SNX30: variants seen among roughly 807,000 people sequenced by gnomAD.
SNX30 encodes sorting nexin-30.
SNX30 carries 24 observed loss-of-function variants against 46.4 expected under a neutral mutation model. The ratio of observed to expected loss-of-function variants is 0.52; its 90% confidence interval spans 0.37 to 0.73. SNX30 has a LOEUF of 0.73. SNX30 is among the 30% of genes least tolerant of loss of function. SNX30 has a pLI of 0.00. For missense variants in SNX30, 533 were observed against 555.7 expected (o/e 0.96, Z 0.41); for synonymous variants, 189 against 211.5 (o/e 0.89, Z 0.92).
chr9:112,814,707 G>C (rs762570141), intron 2 of SNX30, among the ~76,000 whole-genome samples: 4 of 152,160 alleles, frequency 2.6e-5, no homozygotes, highest in Non-Finnish European at 5.9e-5. Context: ...AAGATAACTA[G>C]TTCCTGAGAA....
intron 1 of SNX30, among the ~76,000 whole-genome samples, chr9:112,756,288 T>G (rs1250876383): frequency 2.0e-5 from 3 of 152,096 alleles, no homozygotes; most frequent in Admixed American, 2.0e-4. Flanking sequence ...ACTTCACACC[T>G]TCTCACTCTC....
At chr9:112,798,252 A>G (rs1160266914) in intron 1 of SNX30, among the ~76,000 whole-genome samples, 1 of 79,648 alleles carries the variant, frequency 1.3e-5, no homozygotes, top group Non-Finnish European at 2.4e-5. Context: ...AGCATTAGGT[A>G]TATCTCCCAA....
chr9:112,762,806 C>T (rs1839466479), intron 1 of SNX30, among the ~76,000 whole-genome samples: 1 of 152,220 alleles, frequency 6.6e-6, no homozygotes, highest in South Asian at 2.1e-4. Context: ...GGCGACGTTA[C>T]CAAGCCAGTT....
chr9:112,843,626 CT>C (rs35950913), intron 6 of SNX30, among the ~76,000 whole-genome samples: 14 of 105,238 alleles, frequency 1.3e-4, no homozygotes, highest in African/African-American at 1.8e-4. Flanking sequence ...CCTGCAGTAG[CT>C]TTTTTTTTTT....
chr9:112,793,268 C>T (rs1291167517), intron 1 of SNX30, among the ~76,000 whole-genome samples: 1 of 152,186 alleles, frequency 6.6e-6, no homozygotes, highest in Admixed American at 6.5e-5. Flanking sequence ...AGAGCTCAGT[C>T]CCCCCAGCAT....
intron 3 of SNX30, among the ~76,000 whole-genome samples, chr9:112,820,768 A>G (rs1840480125): frequency 6.6e-6 from 1 of 152,226 alleles, no homozygotes; most frequent in Non-Finnish European, 1.5e-5. Context: ...CATTTCATGT[A>G]AGTGAAATGA....
At chr9:112,757,109 A>G (rs986735654) in intron 1 of SNX30, among the ~76,000 whole-genome samples, 1 of 152,092 alleles carries the variant, frequency 6.6e-6, no homozygotes, top group African/African-American at 2.4e-5. Context: ...ACTCCTCCAT[A>G]TCTGCTATTT....
downstream of SNX30, among the ~76,000 whole-genome samples, chr9:112,883,283 G>A (rs1841604016): frequency 6.6e-6 from 1 of 152,124 alleles, no homozygotes; most frequent in African/African-American, 2.4e-5. Flanking sequence ...GAAGAATTCA[G>A]GAGAGAATGA....
intron 1 of SNX30, among the ~76,000 whole-genome samples, chr9:112,798,121 C>CTTT (rs57300324): frequency 3.3e-4 from 26 of 77,846 alleles, no homozygotes; most frequent in South Asian, 5.5e-4. Context: ...TTTTTTTTTT[C>CTTT]TTTTTTTTTT....
chr9:112,852,585 T>C (rs1198141661), intron 7 of SNX30, among the ~76,000 whole-genome samples: 5 of 152,082 alleles, frequency 3.3e-5, no homozygotes, highest in African/African-American at 9.7e-5. Flanking sequence ...AACCATGAGG[T>C]TTAGGTACCA....
intron 6 of SNX30, among the ~76,000 whole-genome samples, chr9:112,847,239 C>T (rs1434357462): frequency 6.6e-6 from 1 of 152,166 alleles, no homozygotes; most frequent in Non-Finnish European, 1.5e-5. Flanking sequence ...AATAAACCCA[C>T]ATGTATCCCA....
chr9:112,876,261 T>A (rs1184058281), downstream of SNX30, among the ~76,000 whole-genome samples: 1 of 152,058 alleles, frequency 6.6e-6, no homozygotes, highest in African/African-American at 2.4e-5. Flanking sequence ...CGGAGATGAC[T>A]GGAAGATTGC....
intron 7 of SNX30, among the ~76,000 whole-genome samples, chr9:112,861,217 C>T (rs541146788): frequency 1.1e-4 from 17 of 152,244 alleles, no homozygotes; most frequent in African/African-American, 3.4e-4. Context: ...CTGGTGATAG[C>T]TGGGTGCAGG....
chr9:112,758,680 G>C (rs1396475044), intron 1 of SNX30, among the ~76,000 whole-genome samples: 1 of 152,224 alleles, frequency 6.6e-6, no homozygotes, highest in Admixed American at 6.5e-5. Flanking sequence ...ACAGTTGTGA[G>C]CCACCATGCC....
intron 7 of SNX30, among the ~76,000 whole-genome samples, chr9:112,852,515 C>T (rs976248234): frequency 2.0e-5 from 3 of 152,038 alleles, no homozygotes; most frequent in African/African-American, 4.8e-5. Context: ...GATAGCGAGG[C>T]GACAACTGTG....
At chr9:112,823,337 G>T (rs1840534726) in intron 3 of SNX30, among the ~76,000 whole-genome samples, 1 of 152,148 alleles carries the variant, frequency 6.6e-6, no homozygotes. Flanking sequence ...CAGATATCTG[G>T]AACAACTTAT....
At chr9:112,820,406 T>C (rs987700695) in intron 3 of SNX30, among the ~76,000 whole-genome samples, 20 of 152,116 alleles carry the variant, frequency 1.3e-4, no homozygotes, top group African/African-American at 4.6e-4. Flanking sequence ...AGTGTCATCT[T>C]TGGGAGGAAG....
intron 5 of SNX30, 150 bp downstream of exon 5, chr9:112,836,559 A>G: frequency 1.2e-6 from 1 of 821,146 alleles, no homozygotes; most frequent in Non-Finnish European, 1.8e-6. Flanking sequence ...GGAGGGGAGG[A>G]GTTACTTGTG....
At chr9:112,876,272 C>T (rs1362924876), downstream of SNX30, among the ~76,000 whole-genome samples, 2 of 152,004 alleles carry the variant, frequency 1.3e-5, no homozygotes, top group African/African-American at 2.4e-5. Context: ...GGAAGATTGC[C>T]AGCCTGGGAT....
Sources: gnomAD v4.1 joint callset for allele counts (sites outside exome capture counted in the v4.1 genomes callset) on GRCh38, gnomAD v4.1.1 for gene constraint, MANE v1.5 for transcripts, NCBI Gene and HGNC (gene_info 2026-07-23, HGNC 2026-07-21) for gene names.